Variants in LRP1 observed in about 807,000 individuals in gnomAD.
LRP1 encodes prolow-density lipoprotein receptor-related protein 1.
LRP1 carries 51 observed loss-of-function variants against 541.5 expected under a neutral mutation model. That is an observed-to-expected ratio of 0.09 (90% CI 0.08 to 0.12). The LOEUF (loss-of-function observed/expected upper bound fraction) is 0.12. LRP1 is among the 10% of genes least tolerant of loss of function. The pLI is 1.00. For missense variants in LRP1, 3,878 were observed against 6,376.2 expected (o/e 0.61, Z 13.34); for synonymous variants, 2,219 against 2,470.8 (o/e 0.90, Z 3.02).
In LRP1 at chr12:57,183,800, C is replaced by T; in HGVS notation, c.5820C>T (p.Asp1940=). 1 of 1,614,130 alleles carries T rather than the reference C, an allele frequency of 6.2e-7. No homozygotes were observed. The highest frequency in any genetic ancestry group is 8.5e-7 in the Non-Finnish European group (1 of 1,180,040). The part of the protein sequence containing the change: ...HAENDTIYWV[D]MGLSTISRAK... ...AAAATGACACCATCTACTGGGTGGACATGGGCCTGAGCACGATCAGCCGGG... is the reference window on the plus strand; with the variant it reads ...AAAATGACACCATCTACTGGGTGGATATGGGCCTGAGCACGATCAGCCGGG... The change falls in exon 36 of 89, where the codon GAC becomes GAT. Residue 1940 remains aspartate (D), a synonymous_variant. Transcript: ENST00000243077. The surrounding 1 kb of genome is among the most constrained non-coding windows in gnomAD (Gnocchi z 6.1).
rs35433142 is a variant in LRP1, at chr12:57,158,696, C to T, written c.1798+58C>T. The T allele has an allele frequency of 1.1e-3, 1,597 of 1,515,434 alleles. 10 individuals are homozygous for T. The African/African-American group carries it at 0.02, about 19-fold the overall frequency. The allele number at this position is 1,515,434 out of a possible 1,614,324, so 93.9% of individuals were successfully genotyped here. The stretch of plus-strand genomic sequence containing the variant: ...TGGAAGGGGGCTGGGGCCCAGGCAT[C>T]TGTTTCTCGGTGCCCTCTCAGCAGG... On this transcript the variant is annotated intron_variant, in intron 11 of 88. Transcript: ENST00000243077. This position sits in a 1 kb window ranked among gnomAD's most constrained non-coding sequence, Gnocchi z 5.3.
chr12:57,140,905 T>C (rs2035275829), intron 2 of LRP1, among the ~76,000 whole-genome samples: 1 of 152,078 alleles, frequency 6.6e-6, no homozygotes, highest in Non-Finnish European at 1.5e-5. Context: ...GCTAATTTTT[T>C]GCATTTTTAG....
chr12:57,211,125 A>G lies in LRP1; in HGVS notation c.12917-51A>G. On this transcript the variant is annotated intron_variant, in intron 83 of 88. Coordinates refer to ENST00000243077, the MANE Select transcript of LRP1 (RefSeq NM_002332.3). This position sits in a 1 kb window ranked among gnomAD's most constrained non-coding sequence, Gnocchi z 4.3. ...GAAAAGCTCTGTTCAACCTATGGAG[A>G]GCCCTCATGAGGGTGGGGCTTGAGG... is the stretch of plus-strand genomic sequence containing the variant. 6.3e-7 allele frequency: 1 copy of G among 1,579,452 alleles called. No individual in the cohort carries two copies. Among genetic ancestry groups the G allele is most frequent in the South Asian group, 1.1e-5 (1 of 89,610 alleles).
rs2036230548 is a variant in LRP1 at position 57,184,529 on chromosome 12, C to T, written c.6186+77C>T. 1 of 1,582,298 alleles carries T rather than the reference C, an allele frequency of 6.3e-7. No individual in the cohort carries two copies. The highest frequency in any genetic ancestry group is 1.1e-5 in the South Asian group (1 of 86,958). ...TCCTGTTCCCTGTGATGAGCCCATT[C>T]TGGGAGGACTTGGAGCCCAGGGGAA... On this transcript the variant is annotated intron_variant, in intron 38 of 88. Coordinates refer to ENST00000243077, the MANE Select transcript of LRP1 (RefSeq NM_002332.3). The surrounding 1 kb of genome is among the most constrained non-coding windows in gnomAD (Gnocchi z 7.8).
chr12:57,131,694 G>A (rs1302925530), intron 1 of LRP1, among the ~76,000 whole-genome samples: 1 of 152,134 alleles, frequency 6.6e-6, no homozygotes, highest in African/African-American at 2.4e-5. Context: ...GGGTTGGAGG[G>A]ATATTTTGAT....
At position 57,210,364 on chromosome 12, in the gene LRP1, A is replaced by G. The variant is rs1327228043; in HGVS notation, c.12638A>G (p.Asn4213Ser). ...QCFNGGSCFL[N>S]ARRQPKCRCQ... ...TTCAACGGTGGCAGCTGTTTCCTCA[A>G]TGCACGGAGGCAGCCCAAGTGCCGC... The change falls in exon 82 of 89, where the codon AAT becomes AGT. Residue 4213 changes from asparagine to serine, a missense_variant. Asn to Ser is a conservative substitution (Grantham distance 46, BLOSUM62 1). Coordinates refer to ENST00000243077, the MANE Select transcript of LRP1 (RefSeq NM_002332.3). 5 of 1,602,278 alleles carry G rather than the reference A, an allele frequency of 3.1e-6. No homozygotes were observed. The highest frequency in any genetic ancestry group is 3.4e-6 in the Non-Finnish European group (4 of 1,173,440).
At position 57,154,466 on chromosome 12, in the gene LRP1, C is replaced by T; in HGVS notation, c.1005-13C>T. On this transcript the variant is annotated splice_polypyrimidine_tract_variant and intron_variant, in intron 7 of 88. Coordinates refer to ENST00000243077, the MANE Select transcript of LRP1 (RefSeq NM_002332.3). The surrounding 1 kb of genome is among the most constrained non-coding windows in gnomAD (Gnocchi z 4.6). ...CAATGTCCAGACCCCATTTAACATG[C>T]ATCTTCCCACAGGAAGGTGTTTTTC... 1 of 1,611,242 alleles carries T rather than the reference C, an allele frequency of 6.2e-7. No individual in the cohort carries two copies. The highest frequency in any genetic ancestry group is 8.5e-7 in the Non-Finnish European group (1 of 1,177,512).
At chr12:57,133,043 T>C (rs1396631890) in intron 1 of LRP1, among the ~76,000 whole-genome samples, 1 of 152,138 alleles carries the variant, frequency 6.6e-6, no homozygotes, top group Non-Finnish European at 1.5e-5. Flanking sequence ...TGATACCCTT[T>C]GTGGGCTAAG....
At chr12:57,196,026 CT>C in intron 54 of LRP1, 23 bp downstream of exon 54, 1 of 1,612,180 alleles carries the variant, frequency 6.2e-7, no homozygotes, top group Non-Finnish European at 8.5e-7. Context: ...CCTGGCTCCC[CT>C]CTGCCCCCTC....
At position 57,210,322 on chromosome 12, in the gene LRP1, C is replaced by A. The variant is rs367671745; in HGVS notation, c.12596C>A (p.Thr4199Asn). The A allele has an allele frequency of 8.5e-5, 133 of 1,563,460 alleles. 1 individual carries two copies. The highest frequency in any genetic ancestry group is 6.8e-5 in the East Asian group (3 of 44,420). The change falls in exon 82 of 89, where the codon ACC becomes AAC. Residue 4199 changes from threonine (T) to asparagine (N), a missense_variant. Thr to Asn is a moderately conservative substitution (Grantham distance 65, BLOSUM62 0). This residue lies in a region of LRP1 where 871 missense variants were observed against 1,212.4 expected (regional missense o/e 0.72). Coordinates refer to ENST00000243077, the MANE Select transcript of LRP1 (RefSeq NM_002332.3). Reference protein sequence around the residue: ...TPPPDAPRPGTCNLQCFNGGS... With the variant: ...TPPPDAPRPGNCNLQCFNGGS... ...CTTCCTGCAGCTCCCCGGCCTGGAA[C>A]CTGTAACCTGCAGTGCTTCAACGGT...
intron 6 of LRP1, among the ~76,000 whole-genome samples, chr12:57,150,667 G>T (rs1195648347): frequency 6.6e-6 from 1 of 152,228 alleles, no homozygotes; most frequent in East Asian, 1.9e-4. Flanking sequence ...GGAAAGGATG[G>T]GTTCAGGGAG....
At chr12:57,166,294 C>G (rs926893755) in intron 17 of LRP1, 85 bp downstream of exon 17, 45 of 1,478,618 alleles carry the variant, frequency 3.0e-5, no homozygotes, top group Non-Finnish European at 3.8e-5. Flanking sequence ...GTGGCTCATG[C>G]CTATAATCTC....
intron 11 of LRP1, among the ~76,000 whole-genome samples, chr12:57,159,565 A>G (rs371208853): frequency 6.6e-6 from 1 of 152,200 alleles, no homozygotes; most frequent in Non-Finnish European, 1.5e-5. Context: ...GAGAGCCCAC[A>G]TCAGCCATGT....
At position 57,206,765 on chromosome 12, in the gene LRP1, T is replaced by C. The variant is rs1237277504; in HGVS notation, c.11859+24T>C. 4 of 1,606,342 alleles carry C rather than the reference T, an allele frequency of 2.5e-6. No individual in the cohort carries two copies. The East Asian group carries it at 8.9e-5, about 36-fold the overall frequency. On this transcript the variant is annotated intron_variant, in intron 76 of 88. Coordinates refer to ENST00000243077, the MANE Select transcript of LRP1 (RefSeq NM_002332.3). The surrounding 1 kb of genome is among the most constrained non-coding windows in gnomAD (Gnocchi z 4.7). Reference sequence around the variant, plus strand: ...ACGTGAGTGCCCAACCTGGCGTGGATGGAGTGGAAGAGCTCCATAGAGCAG... The same window carrying C: ...ACGTGAGTGCCCAACCTGGCGTGGACGGAGTGGAAGAGCTCCATAGAGCAG...
rs1332032968 is a variant in LRP1 at position 57,203,377 on chromosome 12, C to G, written c.10819-12C>G. The G allele has an allele frequency of 6.2e-7, 1 of 1,600,834 alleles. No individual in the cohort carries two copies. Among genetic ancestry groups the G allele is most frequent in the East Asian group, 2.2e-5 (1 of 44,518 alleles). ...CCGAGAGGTGACCGGCTGCCTGTGC[C>G]CATGCCCACAGAAAGACTGCACCCC... On this transcript the variant is annotated splice_polypyrimidine_tract_variant and intron_variant, in intron 69 of 88. Coordinates refer to ENST00000243077, the MANE Select transcript of LRP1 (RefSeq NM_002332.3).
At chr12:57,202,674 C>T in intron 68 of LRP1, 137 bp downstream of exon 68, 1 of 650,904 alleles carries the variant, frequency 1.5e-6, no homozygotes, top group Non-Finnish European at 2.8e-6. Context: ...CCTCACCCAT[C>T]CCACTCCATG....
At chr12:57,170,956 G>A (rs555794662) in intron 20 of LRP1, among the ~76,000 whole-genome samples, 251 of 152,332 alleles carry the variant, frequency 1.6e-3, no homozygotes, top group Middle Eastern at 3.4e-3. Flanking sequence ...ACTGGACAGC[G>A]TTGAGTGCCC....
intron 22 of LRP1, 104 bp from the exon 23 acceptor site, chr12:57,175,356 G>A (rs1358429072): frequency 7.3e-7 from 1 of 1,374,996 alleles, no homozygotes; most frequent in Non-Finnish European, 1.0e-6. Context: ...CAGGGCACAA[G>A]GACTTGGTCC....
At chr12:57,193,026 G>A (rs1312473304) in intron 45 of LRP1, 56 bp downstream of exon 45, 2 of 1,598,268 alleles carry the variant, frequency 1.3e-6, no homozygotes, top group Non-Finnish European at 1.7e-6. Flanking sequence ...ACCAGGGATG[G>A]TGACCATCTC....
Sources: allele counts gnomAD v4.1 joint callset (sites outside exome capture counted in the v4.1 genomes callset), GRCh38; gene constraint gnomAD v4.1.1; regional missense constraint gnomAD v4.1.1; non-coding constraint Gnocchi (gnomAD v3.1); transcripts MANE v1.5; gene names NCBI Gene and HGNC (gene_info 2026-07-23, HGNC 2026-07-21).